The following GRID2IP variants were observed in gnomAD, a reference collection of about 807,000 sequenced individuals.
The protein encoded by GRID2IP is delphilin.
GRID2IP carries 78 observed loss-of-function variants against 114.3 expected under a neutral mutation model. That is an observed-to-expected ratio of 0.68 (90% CI 0.57 to 0.82). The LOEUF is 0.82. Among genes scored for constraint, GRID2IP ranks in the 40% least tolerant of loss-of-function variants. GRID2IP has a pLI of 0.00. For missense variants in GRID2IP, 1,727 were observed against 1,678.5 expected (o/e 1.03, Z -0.51); for synonymous variants, 809 against 724.0 (o/e 1.12, Z -1.89).
chr7:6,513,794 T>C (rs2115061739), intron 8 of GRID2IP, among the ~76,000 whole-genome samples: 2 of 152,152 alleles, frequency 1.3e-5, no homozygotes, highest in East Asian at 3.9e-4. Context: ...TAAGACCTCA[T>C]AGGTGAGGCC....
rs1227666037 is a variant in GRID2IP at position 6,551,401 on chromosome 7, G to T, written c.36C>A (p.Gly12=). 1 of 1,547,340 alleles carries T rather than the reference G, an allele frequency of 6.5e-7. No individual in the cohort carries two copies. The highest frequency in any genetic ancestry group is 8.7e-7 in the Non-Finnish European group (1 of 1,145,446). The change falls in exon 1 of 22, where the codon GGC becomes GGA. Residue 12 remains glycine (G), a synonymous_variant. Transcript: ENST00000457091. ...ATTATPATNQ[G]WPEDFGFRLG... ...GCCGGAAGCCAAAGTCCTCTGGCCA[G>T]CCCTGGTTCGTGGCCGGCGTGGCAG... is the stretch of plus-strand genomic sequence containing the variant.
chr7:6,534,683 T>C lies in GRID2IP; in HGVS notation c.584+5035A>G, dbSNP rs1779694646. ...CTAGTGAGACTGAGAAGCTGAACTT[T>C]ATATTTTATCAAATATTAATTACAT... On this transcript the variant is annotated intron_variant, in intron 2 of 21. Transcript: ENST00000457091. The surrounding 1 kb of genome is among the most constrained non-coding windows in gnomAD (Gnocchi z 4.5). 6.6e-6 allele frequency among the ~76,000 whole-genome samples: 1 copy of C among 152,206 alleles called. No homozygotes were observed. Among genetic ancestry groups the C allele is most frequent in the Non-Finnish European group, 1.5e-5 (1 of 68,036 alleles).
At chr7:6,505,006 G>T in intron 14 of GRID2IP, 136 bp from the exon 15 acceptor site, 1 of 697,486 alleles carries the variant, frequency 1.4e-6, no homozygotes, top group Non-Finnish European at 2.5e-6. Context: ...CACGTCCATA[G>T]TCCCTTCATT....
Position 6,551,319 on chromosome 7 carries a change from C to T in GRID2IP, c.118G>A (p.Ala40Thr). The T allele has an allele frequency of 6.5e-7, 1 of 1,546,206 alleles. No individual in the cohort carries two copies. Among genetic ancestry groups the T allele is most frequent in the Non-Finnish European group, 8.7e-7 (1 of 1,146,658 alleles). Residue 40 changes from alanine (A) to threonine (T), a missense_variant, in exon 1 of 22, where the codon GCC becomes ACC. Ala to Thr is a moderately conservative substitution (Grantham distance 58). Transcript: ENST00000457091. ...LEVAKGSSAH[A>T]GGLRPGDQIL... Reference sequence around the variant, plus strand: ...TGGTCTCCTGGCCGCAGTCCTCCGGCATGCGCGCTGCTCCCCTTGGCCACC... The same window carrying T: ...TGGTCTCCTGGCCGCAGTCCTCCGGTATGCGCGCTGCTCCCCTTGGCCACC...
chr7:6,524,985 T>C (rs887575200), intron 4 of GRID2IP, among the ~76,000 whole-genome samples: 1 of 151,858 alleles, frequency 6.6e-6, no homozygotes. Flanking sequence ...CCTAAAATGC[T>C]GCCCCGGCCA....
Position 6,502,020 on chromosome 7 carries a change from C to G in GRID2IP, c.3249G>C (p.Gln1083His). 1 of 1,551,374 alleles carries G rather than the reference C, an allele frequency of 6.4e-7. No individual in the cohort carries two copies. The highest frequency in any genetic ancestry group is 1.2e-5 in the South Asian group (1 of 84,046). Residue 1083 changes from glutamine (Q) to histidine (H), a missense_variant, in exon 19 of 22, where the codon CAG (glutamine) becomes CAC (histidine). Coordinates refer to ENST00000457091, the MANE Select transcript of GRID2IP (RefSeq NM_001145118.2). ...CAGCCAGGGGCACGGTGGGCAGGTC[C>G]TGAGCAAAGCCCAGGAGTTCAGGGA... ...QHFPELLGFA[Q>H]DLPTVPLAAK...
chr7:6,546,792 T>C (rs145736689), intron 1 of GRID2IP, among the ~76,000 whole-genome samples: 2 of 152,042 alleles, frequency 1.3e-5, no homozygotes, highest in African/African-American at 4.8e-5. Context: ...CCAGCCCTGC[T>C]CCTGGGCAGG....
chr7:6,506,125 A>C lies in GRID2IP; in HGVS notation c.2545-218T>G, dbSNP rs555061003. Among the ~76,000 whole-genome samples, 17 of 152,340 alleles carry C rather than the reference A, an allele frequency of 1.1e-4. No homozygotes were observed. In the South Asian group the frequency reaches 2.9e-3, roughly 26 times the overall value. ...CGCCTCCTGGGGTCAATCGAGACTC[A>C]AGACTTGGAACACTACTCGTGCAGA... is the stretch of plus-strand genomic sequence containing the variant. On this transcript the variant is annotated intron_variant, in intron 13 of 21. Coordinates refer to ENST00000457091, the MANE Select transcript of GRID2IP (RefSeq NM_001145118.2). This position sits in a 1 kb window ranked among gnomAD's most constrained non-coding sequence, Gnocchi z 5.2.
At chr7:6,537,666 C>T (rs941348551) in intron 2 of GRID2IP, among the ~76,000 whole-genome samples, 1 of 151,648 alleles carries the variant, frequency 6.6e-6, no homozygotes, top group African/African-American at 2.4e-5. Flanking sequence ...GTGTGAGCCA[C>T]TGTGCCCGGC....
rs899019605 is a variant in GRID2IP, at chr7:6,534,285, C to T, written c.584+5433G>A. Among the ~76,000 whole-genome samples the T allele has an allele frequency of 2.0e-5, 3 of 152,162 alleles. No individual in the cohort carries two copies. The highest frequency in any genetic ancestry group is 2.9e-5 in the Non-Finnish European group (2 of 68,044). ...CTGACCTGACACCCCGTTCCCCCCA[C>T]GCCACCACTCATATTTCCTGAAACG... On this transcript the variant is annotated intron_variant, in intron 2 of 21. Coordinates refer to ENST00000457091, the MANE Select transcript of GRID2IP (RefSeq NM_001145118.2). The surrounding 1 kb of genome is among the most constrained non-coding windows in gnomAD (Gnocchi z 4.5).
chr7:6,545,035 C>T (rs538924448), intron 1 of GRID2IP, among the ~76,000 whole-genome samples: 8 of 152,050 alleles, frequency 5.3e-5, no homozygotes, highest in South Asian at 2.1e-4. Context: ...TGCAGTAAGC[C>T]GAGATCGCGC....
At chr7:6,527,983 C>G (rs1318565806) in intron 2 of GRID2IP, among the ~76,000 whole-genome samples, 2 of 152,098 alleles carry the variant, frequency 1.3e-5, no homozygotes, top group Non-Finnish European at 2.9e-5. Context: ...GTCTTGAACT[C>G]CTGACCTCAG....
rs1290984700 is a variant in GRID2IP, at chr7:6,521,604, C to A, written c.990-81G>T. 9.0e-6 allele frequency: 9 copies of A among 999,368 alleles called. No individual in the cohort carries two copies. Among genetic ancestry groups the A allele is most frequent in the Non-Finnish European group, 1.2e-5 (8 of 677,862 alleles). 61.9% of individuals were successfully genotyped at this position (999,368 alleles called of 1,614,324 possible). Reference sequence around the variant, plus strand: ...CACCAGCCAGACCTCCCTGTCCTGCCCACAGAGGTCACACAGCAAGACCAC... The same window carrying A: ...CACCAGCCAGACCTCCCTGTCCTGCACACAGAGGTCACACAGCAAGACCAC... On this transcript the variant is annotated intron_variant, in intron 5 of 21. Coordinates refer to ENST00000457091, the MANE Select transcript of GRID2IP (RefSeq NM_001145118.2). This position sits in a 1 kb window ranked among gnomAD's most constrained non-coding sequence, Gnocchi z 4.1.
In GRID2IP at chr7:6,519,397, C is replaced by T. The variant is rs1779370415; in HGVS notation, c.1268+1181G>A. Among the ~76,000 whole-genome samples, 3 of 152,126 alleles carry T rather than the reference C, an allele frequency of 2.0e-5. No individual in the cohort carries two copies. Among genetic ancestry groups the T allele is most frequent in the Non-Finnish European group, 1.5e-5 (1 of 68,034 alleles). ...TAACCGCAGCACTTTGGGACGATCA[C>T]TTGAGCCCAAGAGTTCGAGACCAGC... is the stretch of plus-strand genomic sequence containing the variant. On this transcript the variant is annotated intron_variant, in intron 7 of 21. Coordinates refer to ENST00000457091, the MANE Select transcript of GRID2IP (RefSeq NM_001145118.2). This position sits in a 1 kb window ranked among gnomAD's most constrained non-coding sequence, Gnocchi z 4.1.
chr7:6,502,044 G>T lies in GRID2IP; in HGVS notation c.3225C>A (p.Phe1075Leu). The change falls in exon 19 of 22, where the codon TTC becomes TTA. Residue 1075 changes from phenylalanine (F) to leucine (L), a missense_variant. Coordinates refer to ENST00000457091, the MANE Select transcript of GRID2IP (RefSeq NM_001145118.2). ...HILAKSLSQHFPELLGFAQDL... is the reference protein window; with the variant it reads ...HILAKSLSQHLPELLGFAQDL... ...CCTGAGCAAAGCCCAGGAGTTCAGG[G>T]AAGTGCTGGCTCAGCGATTTGGCAA... 6.4e-7 allele frequency: 1 copy of T among 1,551,514 alleles called. No homozygotes were observed. The highest frequency in any genetic ancestry group is 8.7e-7 in the Non-Finnish European group (1 of 1,146,952).
chr7:6,545,526 T>C (rs530412622), intron 1 of GRID2IP, among the ~76,000 whole-genome samples: 1 of 152,254 alleles, frequency 6.6e-6, no homozygotes, highest in Non-Finnish European at 1.5e-5. Context: ...TCCACCCGCT[T>C]TCTAGATGAT....
At chr7:6,517,927 TAAA>T (rs1779341906) in intron 7 of GRID2IP, among the ~76,000 whole-genome samples, 1 of 141,814 alleles carries the variant, frequency 7.1e-6, no homozygotes, top group African/African-American at 2.9e-5. Flanking sequence ...AATAAATAAA[TAAA>T]TAAAATAAAA....
chr7:6,506,017 C>G lies in GRID2IP; in HGVS notation c.2545-110G>C. 1.4e-6 allele frequency: 1 copy of G among 694,122 alleles called. No homozygotes were observed. Among genetic ancestry groups the G allele is most frequent in the Non-Finnish European group, 2.5e-6 (1 of 399,482 alleles). 43.0% of individuals were successfully genotyped at this position (694,122 alleles called of 1,614,324 possible). The stretch of plus-strand genomic sequence containing the variant: ...ATAGGGGCTTCCCGAGCAAAAGCAC[C>G]CATCAGGTGCTGGGATAAAGCCCGG... On this transcript the variant is annotated intron_variant, in intron 13 of 21. Coordinates refer to ENST00000457091, the MANE Select transcript of GRID2IP (RefSeq NM_001145118.2). The surrounding 1 kb of genome is among the most constrained non-coding windows in gnomAD (Gnocchi z 5.2).
chr7:6,504,303 G>A (rs1025819906), intron 15 of GRID2IP, among the ~76,000 whole-genome samples: 5 of 151,720 alleles, frequency 3.3e-5, no homozygotes, highest in African/African-American at 1.2e-4. Context: ...CCAGCAGGGA[G>A]AGGGCGAAGC....
Sources: allele counts gnomAD v4.1 joint callset (sites outside exome capture counted in the v4.1 genomes callset), GRCh38; gene constraint gnomAD v4.1.1; non-coding constraint Gnocchi (gnomAD v3.1); transcripts MANE v1.5; gene names NCBI Gene and HGNC (gene_info 2026-07-23, HGNC 2026-07-21).